The following KCNB2 variants were observed in gnomAD, a reference collection of about 807,000 sequenced individuals.
KCNB2 encodes potassium voltage-gated channel subfamily B member 2.
Under a neutral mutation model 61.5 loss-of-function variants are expected in KCNB2, and 15 were observed. The ratio of observed to expected loss-of-function variants is 0.24; its 90% CI spans 0.16 to 0.38. The LOEUF (loss-of-function observed/expected upper bound fraction) is 0.38, where lower values mean the gene tolerates loss of function less well. Ranked by LOEUF, KCNB2 falls within the 10% of genes least tolerant of loss-of-function variation. The pLI is 1.00. For synonymous variants in KCNB2, 457 were observed against 446.0 expected (o/e 1.02, Z -0.31); for missense variants, 828 against 1,125.2 (o/e 0.74, Z 3.78).
intron 2 of KCNB2, among the ~76,000 whole-genome samples, chr8:72,659,663 G>C (rs1806348269): frequency 1.3e-5 from 2 of 152,134 alleles, no homozygotes; most frequent in Non-Finnish European, 2.9e-5. Flanking sequence ...CTTATTTTAA[G>C]AAATTGCTGT....
chr8:72,847,079 T>C (rs888692347), intron 2 of KCNB2, among the ~76,000 whole-genome samples: 5 of 152,072 alleles, frequency 3.3e-5, no homozygotes, highest in African/African-American at 7.2e-5. Context: ...ATGCACTCAG[T>C]TGGAAATGCA....
At chr8:72,853,184 G>C (rs1810150080) in intron 2 of KCNB2, among the ~76,000 whole-genome samples, 1 of 152,178 alleles carries the variant, frequency 6.6e-6, no homozygotes, top group African/African-American at 2.4e-5. Context: ...TCCCTCAACT[G>C]CTCAGAGTGT....
In KCNB2 at chr8:72,644,689, T is replaced by G. The variant is rs80230975; in HGVS notation, c.579+76376T>G. On this transcript the variant is annotated intron_variant, in intron 2 of 2. Transcript: ENST00000523207. Reference sequence around the variant, plus strand: ...GTCAAGTGTTTTCTTGGATGTCAATTGTATTATCTTACAATTTAATTTTGA... The same window carrying G: ...GTCAAGTGTTTTCTTGGATGTCAATGGTATTATCTTACAATTTAATTTTGA... Among the ~76,000 whole-genome samples, 106 of 152,330 alleles carry G rather than the reference T, an allele frequency of 7.0e-4. 1 individual carries two copies. The East Asian group carries it at 0.017, about 24-fold the overall frequency.
intron 1 of KCNB2, among the ~76,000 whole-genome samples, chr8:72,560,265 A>G (rs745527785): frequency 2.0e-5 from 3 of 152,188 alleles, no homozygotes; most frequent in Non-Finnish European, 2.9e-5. Flanking sequence ...GACCTAACAA[A>G]TTGTTCAAAT....
At chr8:72,624,113 A>G (rs569946453) in intron 2 of KCNB2, among the ~76,000 whole-genome samples, 3 of 152,340 alleles carry the variant, frequency 2.0e-5, no homozygotes, top group South Asian at 2.1e-4. Context: ...TTCTGTTTAC[A>G]TCAATCAAAT....
At chr8:72,571,803 A>G (rs1434596618) in intron 2 of KCNB2, among the ~76,000 whole-genome samples, 2 of 152,158 alleles carry the variant, frequency 1.3e-5, no homozygotes, top group Non-Finnish European at 2.9e-5. Flanking sequence ...GTGCAAGGGG[A>G]AGAAAAGGGC....
chr8:72,906,863 C>T (rs1806186494), intron 2 of KCNB2, among the ~76,000 whole-genome samples: 1 of 152,182 alleles, frequency 6.6e-6, no homozygotes. Flanking sequence ...TGTATCTCCT[C>T]ATATTCTAAC....
intron 2 of KCNB2, among the ~76,000 whole-genome samples, chr8:72,795,840 C>T (rs913625281): frequency 1.6e-4 from 24 of 152,190 alleles, no homozygotes; most frequent in African/African-American, 5.5e-4. Context: ...ATTCTTCATA[C>T]AGCACGCAAA....
intron 2 of KCNB2, among the ~76,000 whole-genome samples, chr8:72,905,041 T>A (rs143595433): frequency 1.4e-4 from 22 of 152,296 alleles, no homozygotes; most frequent in Non-Finnish European, 2.2e-4. Flanking sequence ...CATGATGATC[T>A]TTTAACCATG....
intron 2 of KCNB2, among the ~76,000 whole-genome samples, chr8:72,804,327 T>G (rs1170177577): frequency 3.3e-5 from 5 of 152,184 alleles, no homozygotes; most frequent in African/African-American, 2.4e-5. Context: ...ATCCTTCTCT[T>G]TACTCACTGC....
At chr8:72,935,411 G>A (rs140780421) in intron 2 of KCNB2, among the ~76,000 whole-genome samples, 25 of 152,318 alleles carry the variant, frequency 1.6e-4, no homozygotes, top group African/African-American at 6.0e-4. Context: ...TGATGTCAGT[G>A]CTTGCCACAT....
At chr8:72,578,337 G>C (rs188020870) in intron 2 of KCNB2, among the ~76,000 whole-genome samples, 4 of 152,286 alleles carry the variant, frequency 2.6e-5, no homozygotes, top group African/African-American at 9.6e-5. Context: ...ACTACAGATG[G>C]AATGAACTAT....
chr8:72,579,677 C>T (rs1014566276), intron 2 of KCNB2, among the ~76,000 whole-genome samples: 11 of 152,174 alleles, frequency 7.2e-5, no homozygotes, highest in African/African-American at 2.7e-4. Context: ...AGAAATTTAA[C>T]TCTGGGGAAA....
intron 2 of KCNB2, among the ~76,000 whole-genome samples, chr8:72,838,667 G>C (rs1447546630): frequency 2.6e-5 from 4 of 152,170 alleles, no homozygotes; most frequent in African/African-American, 4.8e-5. Context: ...TGTAGTTCTA[G>C]ATCCTGATAT....
chr8:72,756,853 A>G lies in KCNB2; in HGVS notation c.580-179082A>G, dbSNP rs1409318856. ...AATAGGGAGTCAAAGAGGGGTCTAG[A>G]GGAGGCCATACATTCAGATTTTATT... is the stretch of plus-strand genomic sequence containing the variant. On this transcript the variant is annotated intron_variant, in intron 2 of 2. Coordinates refer to ENST00000523207, the MANE Select transcript of KCNB2 (RefSeq NM_004770.3). 1.3e-5 allele frequency among the ~76,000 whole-genome samples: 2 copies of G among 152,190 alleles called. 1 individual carries two copies. Among genetic ancestry groups the G allele is most frequent in the Non-Finnish European group, 2.9e-5 (2 of 68,032 alleles).
chr8:72,928,051 C>T (rs544242357), intron 2 of KCNB2, among the ~76,000 whole-genome samples: 4 of 152,116 alleles, frequency 2.6e-5, no homozygotes, highest in African/African-American at 9.7e-5. Flanking sequence ...TGAATAGAGC[C>T]ATAAATACTC....
intron 2 of KCNB2, among the ~76,000 whole-genome samples, chr8:72,693,500 C>A (rs1222872023): frequency 1.3e-5 from 2 of 152,070 alleles, no homozygotes; most frequent in Non-Finnish European, 2.9e-5. Context: ...ACCTGCACGT[C>A]CACCTCACAG....
At chr8:72,590,727 A>G (rs1414158509) in intron 2 of KCNB2, among the ~76,000 whole-genome samples, 1 of 152,164 alleles carries the variant, frequency 6.6e-6, no homozygotes, top group Non-Finnish European at 1.5e-5. Flanking sequence ...CTATGAACAC[A>G]AGATGAATGC....
chr8:72,929,372 C>T (rs1040721444), intron 2 of KCNB2, among the ~76,000 whole-genome samples: 7 of 152,162 alleles, frequency 4.6e-5, no homozygotes, highest in African/African-American at 1.7e-4. Flanking sequence ...TTCTGAACTC[C>T]CTGTGATCCT....
Sources: gnomAD v4.1 joint callset for allele counts (sites outside exome capture counted in the v4.1 genomes callset) on GRCh38, gnomAD v4.1.1 for gene constraint, MANE v1.5 for transcripts, NCBI Gene and HGNC (gene_info 2026-07-23, HGNC 2026-07-21) for gene names.